Variants in ZBTB7C observed in about 807,000 individuals in gnomAD.
ZBTB7C encodes zinc finger and BTB domain-containing protein 7C.
In ZBTB7C, 8 loss-of-function variants were observed where a neutral mutation model predicts 25.7. That is an observed-to-expected ratio of 0.31 (90% CI 0.18 to 0.56). The LOEUF (loss-of-function observed/expected upper bound fraction) is 0.56, where lower values mean the gene tolerates loss of function less well. Among genes scored for constraint, ZBTB7C ranks in the 20% least tolerant of loss-of-function variants. The pLI, the probability that ZBTB7C is intolerant of heterozygous loss-of-function variation, is 0.91. For missense variants in ZBTB7C, 824 were observed against 855.2 expected (o/e 0.96, Z 0.46); for synonymous variants, 394 against 369.0 (o/e 1.07, Z -0.78).
Position 48,406,727 on chromosome 18 carries a change from G to T in ZBTB7C, c.-304+2499C>A, listed in dbSNP as rs118066966. On this transcript the variant is annotated intron_variant, in intron 1 of 4. Transcript: ENST00000590800. ...TTCTTGATACTCTGTGTCCTTGAAA[G>T]CAATCAAACTTACAAAATATTCTCT... Among the ~76,000 whole-genome samples, 18 of 152,322 alleles carry T rather than the reference G, an allele frequency of 1.2e-4. No individual in the cohort carries two copies. The East Asian group carries it at 3.5e-3, about 29-fold the overall frequency.
At chr18:48,074,751 C>T (rs780579110) in intron 3 of ZBTB7C, among the ~76,000 whole-genome samples, 1 of 152,160 alleles carries the variant, frequency 6.6e-6, no homozygotes, top group Non-Finnish European at 1.5e-5. Context: ...TCTCTATGGC[C>T]GAGCAGAGAA....
chr18:48,091,821 T>C (rs1023397365), intron 3 of ZBTB7C, among the ~76,000 whole-genome samples: 1 of 152,204 alleles, frequency 6.6e-6, no homozygotes, highest in Non-Finnish European at 1.5e-5. Flanking sequence ...CACTTCATCA[T>C]TGTCCAATGA....
intron 1 of ZBTB7C, among the ~76,000 whole-genome samples, chr18:48,384,570 T>C (rs148445160): frequency 0.011 from 1,733 of 152,382 alleles, 12 homozygotes; most frequent in Non-Finnish European, 0.016. Context: ...GTGGGCTACA[T>C]GCGCTTTGAA....
intron 2 of ZBTB7C, among the ~76,000 whole-genome samples, chr18:48,261,552 GT>G (rs2044172252): frequency 6.6e-6 from 1 of 152,184 alleles, no homozygotes; most frequent in South Asian, 2.1e-4. Context: ...GGATGATGTT[GT>G]GCAAAATAAG....
At chr18:48,030,979 G>A (rs573481333) in intron 4 of ZBTB7C, among the ~76,000 whole-genome samples, 20 of 152,302 alleles carry the variant, frequency 1.3e-4, no homozygotes, top group African/African-American at 4.8e-4. Flanking sequence ...GGGGCCATAG[G>A]GGCCAGGAAG....
rs2036147628 is a variant in ZBTB7C, at chr18:48,040,026, T to C, written c.1082A>G (p.Lys361Arg). The change falls in exon 4 of 5, where the codon AAG (lysine) becomes AGG (arginine). Residue 361 changes from lysine to arginine, a missense_variant. Transcript: ENST00000590800. The stretch of plus-strand genomic sequence containing the variant: ...GCAGATGGGGCACTGCTGAGAGGCC[T>C]TGGGCTTCAGCTTGCGCTCTTCTAC... ...PLVEERKLKP[K>R]ASQQCPICHK... The C allele has an allele frequency of 6.2e-7, 1 of 1,613,970 alleles. No homozygotes were observed. The highest frequency in any genetic ancestry group is 8.5e-7 in the Non-Finnish European group (1 of 1,180,022).
chr18:48,323,106 G>A (rs1309198005), intron 2 of ZBTB7C, among the ~76,000 whole-genome samples: 1 of 152,102 alleles, frequency 6.6e-6, no homozygotes, highest in Non-Finnish European at 1.5e-5. Context: ...TATTCTGCTC[G>A]AGTGCACCAA....
intron 1 of ZBTB7C, among the ~76,000 whole-genome samples, chr18:48,405,289 G>A (rs1402640756): frequency 6.6e-6 from 1 of 151,966 alleles, no homozygotes. Flanking sequence ...AGAGTCAGGG[G>A]AGGAGGCAAA....
chr18:48,329,542 C>CA (rs2046298714), intron 2 of ZBTB7C, among the ~76,000 whole-genome samples: 1 of 152,234 alleles, frequency 6.6e-6, no homozygotes, highest in African/African-American at 2.4e-5. Flanking sequence ...GCTGATCTGT[C>CA]ACCCTCCCAG....
At chr18:48,238,530 C>A (rs886813063) in intron 2 of ZBTB7C, among the ~76,000 whole-genome samples, 16 of 152,314 alleles carry the variant, frequency 1.1e-4, no homozygotes, top group African/African-American at 3.8e-4. Context: ...AAATCCAGAT[C>A]ATGGGAGAAG....
At chr18:48,197,132 C>T (rs897125699) in intron 2 of ZBTB7C, among the ~76,000 whole-genome samples, 1 of 152,154 alleles carries the variant, frequency 6.6e-6, no homozygotes, top group African/African-American at 2.4e-5. Context: ...AAGGTGCATG[C>T]AAGGCCTGGA....
chr18:48,218,287 G>A (rs978734244), intron 2 of ZBTB7C, among the ~76,000 whole-genome samples: 2 of 152,192 alleles, frequency 1.3e-5, no homozygotes, highest in African/African-American at 4.8e-5. Flanking sequence ...GCAAAGGGCC[G>A]CTGAATCAAA....
At chr18:48,221,017 T>C (rs1205640257) in intron 2 of ZBTB7C, among the ~76,000 whole-genome samples, 2 of 151,718 alleles carry the variant, frequency 1.3e-5, no homozygotes, top group Admixed American at 6.5e-5. Context: ...TATGCTGTCC[T>C]AGTCTCCTCT....
chr18:48,273,931 T>A (rs2044565884), intron 2 of ZBTB7C, among the ~76,000 whole-genome samples: 1 of 152,206 alleles, frequency 6.6e-6, no homozygotes, highest in South Asian at 2.1e-4. Context: ...AAGACAACAT[T>A]AAAACTATCA....
chr18:48,334,381 G>A (rs867369389), intron 2 of ZBTB7C, among the ~76,000 whole-genome samples: 74 of 152,158 alleles, frequency 4.9e-4, no homozygotes, highest in African/African-American at 1.6e-3. Flanking sequence ...ACCTAGTTGA[G>A]TCCTATGGCA....
chr18:48,186,510 C>A (rs1263605464), intron 2 of ZBTB7C, among the ~76,000 whole-genome samples: 1 of 152,170 alleles, frequency 6.6e-6, no homozygotes, highest in African/African-American at 2.4e-5. Context: ...TGACACAAAC[C>A]AACAAAGGCC....
chr18:48,086,738 G>A (rs565962669), intron 3 of ZBTB7C, among the ~76,000 whole-genome samples: 1 of 152,320 alleles, frequency 6.6e-6, no homozygotes, highest in African/African-American at 2.4e-5. Flanking sequence ...TCTTGCAGCA[G>A]GCTGAGCAGG....
At chr18:48,091,810 C>A (rs1012955293) in intron 3 of ZBTB7C, among the ~76,000 whole-genome samples, 10 of 152,166 alleles carry the variant, frequency 6.6e-5, no homozygotes, top group African/African-American at 2.4e-4. Context: ...AAGAAAGGTG[C>A]CACTTCATCA....
intron 2 of ZBTB7C, among the ~76,000 whole-genome samples, chr18:48,243,424 G>C (rs2043588139): frequency 1.3e-5 from 2 of 151,980 alleles, no homozygotes; most frequent in South Asian, 4.2e-4. Flanking sequence ...TTTTACGAAA[G>C]CTGCAAAAAA....
Sources: allele counts gnomAD v4.1 joint callset (sites outside exome capture counted in the v4.1 genomes callset), GRCh38; gene constraint gnomAD v4.1.1; transcripts MANE v1.5; gene names NCBI Gene and HGNC (gene_info 2026-07-23, HGNC 2026-07-21).